CIT: variants seen among roughly 807,000 people sequenced by gnomAD.
CIT encodes the protein citron Rho-interacting kinase.
In CIT, 79 loss-of-function variants were observed where a neutral mutation model predicts 272.7. The observed-to-expected ratio is 0.29, with a 90% CI of 0.24 to 0.35. CIT has a LOEUF of 0.35. Among genes scored for constraint, CIT ranks in the 10% least tolerant of loss-of-function variants. CIT has a pLI of 1.00. For synonymous variants in CIT, 948 were observed against 995.6 expected, an observed-to-expected ratio of 0.95 and a Z score of 0.90; for missense variants, 1,909 against 2,618.3, an observed-to-expected ratio of 0.73 and a Z score of 5.91.
rs1224948982 is a variant in CIT at position 119,784,578 on chromosome 12, C to T, written c.1401+382G>A. 16 of 1,167,506 alleles carry T rather than the reference C, an allele frequency of 1.4e-5. No homozygotes were observed. Among genetic ancestry groups the T allele is most frequent in the South Asian group, 1.9e-5 (1 of 51,992 alleles). 72.3% of individuals were successfully genotyped at this position (1,167,506 alleles called of 1,614,324 possible). A position where few individuals can be genotyped will look rare whatever the true frequency, so the allele number is the denominator to read the frequency against. On this transcript the variant is annotated intron_variant, in intron 11 of 47. Transcript: ENST00000392521. The surrounding 1 kb of genome is among the most constrained non-coding windows in gnomAD (Gnocchi z 4.7). ...CGTTGAGCGTAATCAACACAGTGGC[C>T]GCAGTGACATAAGCAGGAGTTTTAA...
At chr12:119,826,432 AC>A (rs1465476010) in intron 7 of CIT, among the ~76,000 whole-genome samples, 1 of 152,122 alleles carries the variant, frequency 6.6e-6, no homozygotes, top group Non-Finnish European at 1.5e-5. Flanking sequence ...TGTCCTTCTG[AC>A]TTTTTTAGTG....
intron 46 of CIT, among the ~76,000 whole-genome samples, chr12:119,691,305 A>C (rs1955933209): frequency 6.6e-6 from 1 of 152,170 alleles, no homozygotes. Context: ...ACTAAGACCC[A>C]GAAGTCAGGG....
chr12:119,779,852 A>G (rs1294171793), intron 13 of CIT, among the ~76,000 whole-genome samples: 1 of 152,198 alleles, frequency 6.6e-6, no homozygotes, highest in Non-Finnish European at 1.5e-5. Flanking sequence ...ATCCTTTGAT[A>G]TTGTGCAGGA....
At chr12:119,752,995 T>C (rs1276362161) in intron 22 of CIT, among the ~76,000 whole-genome samples, 2 of 152,150 alleles carry the variant, frequency 1.3e-5, no homozygotes, top group Non-Finnish European at 2.9e-5. Flanking sequence ...TCTGTTAAAT[T>C]CTGTTGAAGA....
intron 7 of CIT, 144 bp from the exon 8 acceptor site, chr12:119,825,512 G>T: frequency 1.6e-6 from 1 of 644,400 alleles, no homozygotes; most frequent in Non-Finnish European, 2.6e-6. Flanking sequence ...GTGGCACACT[G>T]TCAGGAAATG....
intron 18 of CIT, among the ~76,000 whole-genome samples, chr12:119,769,695 T>C (rs536044538): frequency 6.6e-6 from 1 of 152,372 alleles, no homozygotes; most frequent in South Asian, 2.1e-4. Flanking sequence ...ACAGTCACAT[T>C]TGTCTTTGTG....
At chr12:119,738,123 T>C (rs1273873872) in intron 24 of CIT, among the ~76,000 whole-genome samples, 1 of 152,236 alleles carries the variant, frequency 6.6e-6, no homozygotes. Context: ...AGGTCACTGC[T>C]AGTAAATAAC....
intron 10 of CIT, among the ~76,000 whole-genome samples, chr12:119,798,888 C>T (rs2137838120): frequency 6.6e-6 from 1 of 152,338 alleles, no homozygotes; most frequent in Non-Finnish European, 1.5e-5. Flanking sequence ...CCAATTTGTA[C>T]CATGATATTC....
Position 119,690,510 on chromosome 12 carries a change from T to C in CIT, c.5883-56A>G, listed in dbSNP as rs1310432274. On this transcript the variant is annotated intron_variant, in intron 46 of 47. Coordinates refer to ENST00000392521, the MANE Select transcript of CIT (RefSeq NM_001206999.2). The surrounding 1 kb of genome is among the most constrained non-coding windows in gnomAD (Gnocchi z 6.0). ...CGAGGCCACAACCCCAGAGGGGCAT[T>C]TTCCTTCTTACCTGAGCAACCCCCT... The C allele has an allele frequency of 8.8e-6, 13 of 1,479,582 alleles. No individual in the cohort carries two copies. The South Asian group carries it at 1.1e-4, about 12-fold the overall frequency. The allele number at this position is 1,479,582 out of a possible 1,614,324, so 91.7% of individuals were successfully genotyped here.
Position 119,718,950 on chromosome 12 carries a change from A to G in CIT, c.3841-89T>C. 7.5e-7 allele frequency: 1 copy of G among 1,336,452 alleles called. No homozygotes were observed. 82.8% of individuals were successfully genotyped at this position (1,336,452 alleles called of 1,614,324 possible). A position where few individuals can be genotyped will look rare whatever the true frequency, so the allele number is the denominator to read the frequency against. ...AAATCTGACTCGGGAGGAGCAAACCACAAAAGCCAGGAGCATACTCACTGT... is the reference window on the plus strand; with the variant it reads ...AAATCTGACTCGGGAGGAGCAAACCGCAAAAGCCAGGAGCATACTCACTGT... On this transcript the variant is annotated intron_variant, in intron 30 of 47. Coordinates refer to ENST00000392521, the MANE Select transcript of CIT (RefSeq NM_001206999.2). The surrounding 1 kb of genome is among the most constrained non-coding windows in gnomAD (Gnocchi z 4.8).
chr12:119,722,111 T>C (rs1385000507), intron 28 of CIT, among the ~76,000 whole-genome samples: 1 of 152,124 alleles, frequency 6.6e-6, no homozygotes, highest in African/African-American at 2.4e-5. Flanking sequence ...GTGCTGCAAA[T>C]CTCGCTCCAA....
rs1468215786 is a variant in CIT at position 119,728,705 on chromosome 12, G to A, written c.3487-99C>T. On this transcript the variant is annotated intron_variant, in intron 27 of 47. Coordinates refer to ENST00000392521, the MANE Select transcript of CIT (RefSeq NM_001206999.2). This position sits in a 1 kb window ranked among gnomAD's most constrained non-coding sequence, Gnocchi z 4.3. ...CGAACCTTCACGGAGAAAGAATATT[G>A]AGTTCTAAAGGTCAGAACGTAAAGG... is the stretch of plus-strand genomic sequence containing the variant. The A allele has an allele frequency of 1.2e-6, 1 of 833,166 alleles. No individual in the cohort carries two copies. The highest frequency in any genetic ancestry group is 1.7e-5 in the African/African-American group (1 of 58,534). The allele number at this position is 833,166 out of a possible 1,614,324, so 51.6% of individuals were successfully genotyped here.
Position 119,697,197 on chromosome 12 carries a change from T to C in CIT, c.5882+462A>G, listed in dbSNP as rs1353520723. 6.6e-6 allele frequency among the ~76,000 whole-genome samples: 1 copy of C among 151,996 alleles called. No individual in the cohort carries two copies. Among genetic ancestry groups the C allele is most frequent in the Non-Finnish European group, 1.5e-5 (1 of 68,000 alleles). On this transcript the variant is annotated intron_variant, in intron 46 of 47. Transcript: ENST00000392521. This position sits in a 1 kb window ranked among gnomAD's most constrained non-coding sequence, Gnocchi z 4.9. The stretch of plus-strand genomic sequence containing the variant: ...TGGGAAATCCTCCCTCACCTCCACG[T>C]CCAGGCTTTCAACCACCCCACCAGG...
Position 119,832,813 on chromosome 12 carries a change from C to T in CIT, c.711G>A (p.Leu237=). The T allele has an allele frequency of 6.2e-7, 1 of 1,614,024 alleles. No homozygotes were observed. The highest frequency in any genetic ancestry group is 8.5e-7 in the Non-Finnish European group (1 of 1,179,952). Residue 237 remains leucine (L), a synonymous_variant, in exon 7 of 48, where the codon CTG becomes CTA. Coordinates refer to ENST00000392521, the MANE Select transcript of CIT (RefSeq NM_001206999.2). ...ILVDRTGHIK[L]VDFGSAAKMN... Reference sequence around the variant, plus strand: ...TTTTCGCGGCAGATCCAAAATCCACCAGCTTGATGTGTCCTGTGCGGTCAA... The same window carrying T: ...TTTTCGCGGCAGATCCAAAATCCACTAGCTTGATGTGTCCTGTGCGGTCAA...
At chr12:119,811,530 C>T (rs897219000) in intron 9 of CIT, among the ~76,000 whole-genome samples, 2 of 152,204 alleles carry the variant, frequency 1.3e-5, no homozygotes, top group Admixed American at 1.3e-4. Flanking sequence ...TCAATCTAAA[C>T]AATGCCAGGG....
At position 119,861,451 on chromosome 12, in the gene CIT, G is replaced by T. The variant is rs910911891; in HGVS notation, c.239-3753C>A. 2.6e-5 allele frequency among the ~76,000 whole-genome samples: 4 copies of T among 152,016 alleles called. No homozygotes were observed. In the South Asian group the frequency reaches 8.3e-4, roughly 32 times the overall value. On this transcript the variant is annotated intron_variant, in intron 3 of 47. Transcript: ENST00000392521. ...AAATACAAAAAATTAGCCAGGTGTC[G>T]TGGCGCATGCCTGCAATGCCAGCTA...
chr12:119,803,135 C>A, intron 10 of CIT, 71 bp downstream of exon 10: 1 of 412,072 alleles, frequency 2.4e-6, no homozygotes, highest in Non-Finnish European at 4.0e-6. Context: ...CCCCACCCCC[C>A]CACCACCACC....
intron 5 of CIT, among the ~76,000 whole-genome samples, chr12:119,847,410 A>G (rs966022750): frequency 1.3e-5 from 2 of 151,948 alleles, no homozygotes; most frequent in African/African-American, 4.8e-5. Flanking sequence ...CCTAACCCAC[A>G]TGGCAAAACC....
intron 5 of CIT, among the ~76,000 whole-genome samples, chr12:119,842,627 T>C (rs1969487872): frequency 2.0e-5 from 3 of 152,154 alleles, no homozygotes; most frequent in Admixed American, 2.0e-4. Flanking sequence ...GACAATTTTC[T>C]ATAGACCAGA....
Sources: allele counts gnomAD v4.1 joint callset (sites outside exome capture counted in the v4.1 genomes callset), GRCh38; gene constraint gnomAD v4.1.1; non-coding constraint Gnocchi (gnomAD v3.1); transcripts MANE v1.5; gene names NCBI Gene and HGNC (gene_info 2026-07-23, HGNC 2026-07-21).